CASS4: variants seen among roughly 807,000 people sequenced by gnomAD.
CASS4 encodes the protein cas scaffolding protein family member 4.
In CASS4, 22 loss-of-function variants were observed where a neutral mutation model predicts 54.2. That is an observed-to-expected ratio of 0.41 (90% CI 0.29 to 0.58). The LOEUF (loss-of-function observed/expected upper bound fraction) is 0.58, where lower values mean the gene tolerates loss of function less well. CASS4 is among the 20% of genes least tolerant of loss of function. CASS4 has a pLI of 0.36. For synonymous variants in CASS4, 409 were observed against 391.5 expected, an observed-to-expected ratio of 1.04 and a Z score of -0.53; for missense variants, 854 against 986.7, an observed-to-expected ratio of 0.87 and a Z score of 1.80.
intron 1 of CASS4, among the ~76,000 whole-genome samples, chr20:56,423,735 G>A (rs1188439383): frequency 2.6e-5 from 4 of 152,172 alleles, no homozygotes; most frequent in African/African-American, 9.6e-5. Context: ...AGTAGAGTCG[G>A]GGTTTCACCA....
At chr20:56,421,672 G>T (rs1465429386) in intron 1 of CASS4, among the ~76,000 whole-genome samples, 2 of 152,214 alleles carry the variant, frequency 1.3e-5, no homozygotes, top group Admixed American at 6.5e-5. Flanking sequence ...GTCCAGCCTG[G>T]GTGACAAAGT....
chr20:56,417,795 C>A (rs1979217255), intron 1 of CASS4, among the ~76,000 whole-genome samples: 1 of 152,220 alleles, frequency 6.6e-6, no homozygotes, highest in South Asian at 2.1e-4. Flanking sequence ...AGCTCTCTAA[C>A]CCCTACCTGG....
At chr20:56,433,016 CTCTT>C (rs1600756140) in intron 1 of CASS4, among the ~76,000 whole-genome samples, 1 of 152,218 alleles carries the variant, frequency 6.6e-6, no homozygotes. Context: ...TGTCACGCCT[CTCTT>C]TCATTCATTA....
At chr20:56,443,652 G>C (rs1980570608) in intron 2 of CASS4, among the ~76,000 whole-genome samples, 1 of 152,078 alleles carries the variant, frequency 6.6e-6, no homozygotes. Flanking sequence ...GTAGCATCGT[G>C]ATGGGATGGG....
At position 56,414,941 on chromosome 20, in the gene CASS4, C is replaced by A. The variant is rs140730707; in HGVS notation, c.36+2447C>A. 6.6e-6 allele frequency among the ~76,000 whole-genome samples: 1 copy of A among 152,242 alleles called. No homozygotes were observed. The highest frequency in any genetic ancestry group is 6.5e-5 in the Admixed American group (1 of 15,284). On this transcript the variant is annotated intron_variant, in intron 1 of 5. Transcript: ENST00000679887. This position sits in a 1 kb window ranked among gnomAD's most constrained non-coding sequence, Gnocchi z 4.1. Reference sequence around the variant, plus strand: ...GGCCCTGTGCTGAGTGCTCTACTTGCATTTTCTCACTATTACATCCTCACA... The same window carrying A: ...GGCCCTGTGCTGAGTGCTCTACTTGAATTTTCTCACTATTACATCCTCACA...
chr20:56,458,836 G>A lies in CASS4; in HGVS notation c.*89G>A. ...TCTGCCCTATGGGAAAAGCCAGCCG[G>A]GGCATACACCAATGAGCTGAAACAG... On this transcript the variant is annotated 3_prime_UTR_variant, in exon 6 of 6. Coordinates refer to ENST00000679887, the MANE Select transcript of CASS4 (RefSeq NM_020356.4). 7.6e-7 allele frequency: 1 copy of A among 1,319,508 alleles called. No individual in the cohort carries two copies. Among genetic ancestry groups the A allele is most frequent in the South Asian group, 1.5e-5 (1 of 67,828 alleles). The allele number at this position is 1,319,508 out of a possible 1,614,324, so 81.7% of individuals were successfully genotyped here.
chr20:56,449,456 T>G (rs923403736), intron 3 of CASS4, among the ~76,000 whole-genome samples: 4 of 151,668 alleles, frequency 2.6e-5, no homozygotes, highest in African/African-American at 7.3e-5. Context: ...CCGGGGCCTG[T>G]CATGGGGTAG....
At chr20:56,422,221 A>G (rs1464048840) in intron 1 of CASS4, among the ~76,000 whole-genome samples, 1 of 152,226 alleles carries the variant, frequency 6.6e-6, no homozygotes, top group Non-Finnish European at 1.5e-5. Flanking sequence ...CAAGGCTGTG[A>G]ATGAACACAC....
In CASS4 at chr20:56,458,133, C is replaced by T. The variant is rs942242944; in HGVS notation, c.1954-207C>T. Among the ~76,000 whole-genome samples, 5 of 149,766 alleles carry T rather than the reference C, an allele frequency of 3.3e-5. No individual in the cohort carries two copies. In the South Asian group the frequency reaches 1.1e-3, roughly 32 times the overall value. ...AATAAAATTATATATGTATGTATTA[C>T]AATATAATATTGTATATATTATATA... is the stretch of plus-strand genomic sequence containing the variant. On this transcript the variant is annotated intron_variant, in intron 5 of 5. Coordinates refer to ENST00000679887, the MANE Select transcript of CASS4 (RefSeq NM_020356.4).
At chr20:56,456,964 G>T (rs1981327733) in intron 5 of CASS4, among the ~76,000 whole-genome samples, 1 of 152,216 alleles carries the variant, frequency 6.6e-6, no homozygotes, top group African/African-American at 2.4e-5. Flanking sequence ...GGGATTACAG[G>T]TGTGGGTCAC....
intron 5 of CASS4, 91 bp from the exon 6 acceptor site, chr20:56,458,249 A>T: frequency 1.6e-6 from 2 of 1,282,726 alleles, no homozygotes; most frequent in Non-Finnish European, 2.2e-6. Context: ...AAAAATAAAA[A>T]GTCTTGCAAA....
At chr20:56,429,175 G>A (rs1182170210) in intron 1 of CASS4, among the ~76,000 whole-genome samples, 2 of 152,174 alleles carry the variant, frequency 1.3e-5, no homozygotes, top group African/African-American at 4.8e-5. Context: ...AGCTGCTCCT[G>A]CCTAGAGCTG....
intron 1 of CASS4, among the ~76,000 whole-genome samples, chr20:56,426,174 A>G (rs1311120805): frequency 6.6e-6 from 1 of 152,208 alleles, no homozygotes; most frequent in Non-Finnish European, 1.5e-5. Flanking sequence ...CCAGACCCAA[A>G]ACTGCCTGCA....
intron 1 of CASS4, among the ~76,000 whole-genome samples, chr20:56,416,624 A>G (rs947353645): frequency 2.0e-5 from 3 of 152,082 alleles, no homozygotes. Context: ...TTTTTCCCCA[A>G]TAACATGATT....
At chr20:56,432,900 G>GGA (rs199963878) in intron 1 of CASS4, among the ~76,000 whole-genome samples, 1 of 151,990 alleles carries the variant, frequency 6.6e-6, no homozygotes, top group African/African-American at 2.4e-5. Context: ...GTGGGCAGGG[G>GGA]CGTCACAGAA....
intron 5 of CASS4, among the ~76,000 whole-genome samples, chr20:56,455,652 G>A (rs562632081): frequency 6.6e-6 from 1 of 152,302 alleles, no homozygotes; most frequent in African/African-American, 2.4e-5. Flanking sequence ...ATGGCTGGCC[G>A]GGCATGGTGG....
chr20:56,443,165 T>C (rs115098039), intron 2 of CASS4, among the ~76,000 whole-genome samples: 3,080 of 151,038 alleles, frequency 0.02, 190 homozygotes, highest in African/African-American at 0.072. Flanking sequence ...GGCGGGTGCA[T>C]AGCTTGTCAG....
At chr20:56,441,470 T>G (rs1980455424) in intron 2 of CASS4, among the ~76,000 whole-genome samples, 1 of 151,756 alleles carries the variant, frequency 6.6e-6, no homozygotes, top group Non-Finnish European at 1.5e-5. Context: ...CCATGTGTGG[T>G]GGTATGCATC....
intron 1 of CASS4, among the ~76,000 whole-genome samples, chr20:56,436,896 A>G (rs1980200407): frequency 6.6e-6 from 1 of 151,780 alleles, no homozygotes; most frequent in African/African-American, 2.4e-5. Flanking sequence ...CAAAACCAAA[A>G]ACAAACAGGG....
Sources: gnomAD v4.1 joint callset for allele counts (sites outside exome capture counted in the v4.1 genomes callset) on GRCh38, gnomAD v4.1.1 for gene constraint, Gnocchi (gnomAD v3.1) non-coding constraint, MANE v1.5 for transcripts, NCBI Gene and HGNC (gene_info 2026-07-23, HGNC 2026-07-21) for gene names.